The following CERKL variants were observed in gnomAD, a reference collection of about 807,000 sequenced individuals.
CERKL encodes the protein CERK like autophagy regulator, also known as ceramide kinase-like protein.
A neutral mutation model predicts 63.4 loss-of-function variants in CERKL; 61 were observed. The ratio of observed to expected loss-of-function variants is 0.96; its 90% CI spans 0.78 to 1.19. CERKL has a LOEUF of 1.19. CERKL is among the 50% of genes most tolerant of loss of function. The probability of loss-of-function intolerance (pLI) is 0.00; values close to 1 mark genes in which losing one functional copy is unlikely to be tolerated. For synonymous variants in CERKL, 250 were observed against 230.5 expected (o/e 1.08, Z -0.77); for missense variants, 675 against 655.5 (o/e 1.03, Z -0.33).
chr2:181,609,213 G>A (rs1051697863), intron 1 of CERKL, among the ~76,000 whole-genome samples: 3 of 150,496 alleles, frequency 2.0e-5, no homozygotes, highest in Admixed American at 6.6e-5. Context: ...CCACTAACTC[G>A]TCATCTAGCA....
At position 181,548,771 on chromosome 2, in the gene CERKL, C is replaced by T. The variant is rs375613779; in HGVS notation, c.982G>A (p.Gly328Arg). 3 of 1,613,900 alleles carry T rather than the reference C, an allele frequency of 1.9e-6. No individual in the cohort carries two copies. Among genetic ancestry groups the T allele is most frequent in the African/African-American group, 2.7e-5 (2 of 74,924 alleles). ...TTTTCTGCCAGAGCCAAAGTTCTTC[C>T]ACCAAAGCCAAACATGGCTGAGAAC... ...FGFSAMFGFG[G>R]RTLALAEKYR... The change falls in exon 7 of 13, where the codon GGA becomes AGA. Residue 328 changes from glycine (G) to arginine (R), a missense_variant. Coordinates refer to ENST00000410087, the MANE Select transcript of CERKL (RefSeq NM_201548.5).
intron 3 of CERKL, among the ~76,000 whole-genome samples, chr2:181,567,672 A>T (rs1688722681): frequency 6.6e-6 from 1 of 152,186 alleles, no homozygotes; most frequent in Admixed American, 6.5e-5. Flanking sequence ...GAACAAAATG[A>T]ATTAGTCTTT....
At chr2:181,539,036 T>G (rs1215630078) in intron 12 of CERKL, 56 bp downstream of exon 12, 2 of 1,254,082 alleles carry the variant, frequency 1.6e-6, no homozygotes, top group East Asian at 4.7e-5. Flanking sequence ...GCTTTCGTTG[T>G]AATATTAGAT....
intron 2 of CERKL, among the ~76,000 whole-genome samples, chr2:181,593,656 T>C (rs1285089267): frequency 6.6e-6 from 1 of 151,968 alleles, no homozygotes; most frequent in African/African-American, 2.4e-5. Flanking sequence ...CAAAGGACCC[T>C]CTCTTTTGCC....
At chr2:181,631,339 C>T (rs1686945675) in intron 1 of CERKL, among the ~76,000 whole-genome samples, 1 of 152,108 alleles carries the variant, frequency 6.6e-6, no homozygotes, top group African/African-American at 2.4e-5. Flanking sequence ...CTTCCAAACC[C>T]AGGAGAAATC....
At chr2:181,592,562 T>A (rs530909954) in intron 2 of CERKL, among the ~76,000 whole-genome samples, 4 of 152,300 alleles carry the variant, frequency 2.6e-5, no homozygotes, top group African/African-American at 9.6e-5. Context: ...CTGAATGGCA[T>A]ATCAAAGACA....
intron 11 of CERKL, among the ~76,000 whole-genome samples, chr2:181,541,069 T>G (rs943683476): frequency 9.2e-5 from 14 of 152,214 alleles, no homozygotes; most frequent in African/African-American, 3.4e-4. Flanking sequence ...CAAATTCCTG[T>G]ATTGAAATCC....
rs1421097252 is a variant in CERKL, at chr2:181,538,043, G to A, written c.*141C>T. The A allele has an allele frequency of 5.7e-6, 4 of 701,166 alleles. No homozygotes were observed. The East Asian group carries it at 1.1e-4, about 19-fold the overall frequency. The allele number at this position is 701,166 out of a possible 1,614,324, so 43.4% of individuals were successfully genotyped here. A position where few individuals can be genotyped will look rare whatever the true frequency, so the allele number is the denominator to read the frequency against. ...GATCTGAGGTGGAACAGTTCATCCTGAAACCATTCCCCCATCCACGGAAAA... is the reference window on the plus strand; with the variant it reads ...GATCTGAGGTGGAACAGTTCATCCTAAAACCATTCCCCCATCCACGGAAAA... On this transcript the variant is annotated 3_prime_UTR_variant, in exon 13 of 13. Transcript: ENST00000410087.
intron 2 of CERKL, among the ~76,000 whole-genome samples, chr2:181,585,693 A>G (rs1315863423): frequency 6.6e-6 from 1 of 152,058 alleles, no homozygotes; most frequent in African/African-American, 2.4e-5. Context: ...TAGAAAAATC[A>G]TATTTGAGAA....
At chr2:181,614,967 A>G (rs1208046615) in intron 1 of CERKL, among the ~76,000 whole-genome samples, 3 of 152,200 alleles carry the variant, frequency 2.0e-5, no homozygotes, top group African/African-American at 7.2e-5. Flanking sequence ...ATGACATATA[A>G]TTTTGCTTGG....
chr2:181,538,342 T>TAACA (rs979478829), intron 12 of CERKL, 98 bp from the exon 13 acceptor site: 12 of 705,856 alleles, frequency 1.7e-5, no homozygotes, highest in African/African-American at 5.3e-5. Context: ...TACAAATTGA[T>TAACA]AACAAACACA....
rs780009057 is a variant in CERKL, at chr2:181,537,965, G to T, written c.*219C>A. On this transcript the variant is annotated 3_prime_UTR_variant, in exon 13 of 13. Coordinates refer to ENST00000410087, the MANE Select transcript of CERKL (RefSeq NM_201548.5). ...AGAAGTGCGAACCATATGGTGAACT[G>T]GTATGTGAGGGATCTAGAGTGCCAT... 1.2e-5 allele frequency: 8 copies of T among 649,292 alleles called. No homozygotes were observed. The African/African-American group carries it at 1.3e-4, about 10-fold the overall frequency. The allele number at this position is 649,292 out of a possible 1,614,324, so 40.2% of individuals were successfully genotyped here.
chr2:181,547,087 T>C (rs1048245382), intron 10 of CERKL, among the ~76,000 whole-genome samples: 1 of 152,308 alleles, frequency 6.6e-6, no homozygotes, highest in South Asian at 2.1e-4. Flanking sequence ...ATGTGAGATG[T>C]GACTTTCATC....
At chr2:181,646,931 A>C (rs1687695881) in intron 1 of CERKL, among the ~76,000 whole-genome samples, 1 of 152,212 alleles carries the variant, frequency 6.6e-6, no homozygotes, top group Non-Finnish European at 1.5e-5. Context: ...TATCAGAGCA[A>C]GTGAGAAAAA....
intron 2 of CERKL, among the ~76,000 whole-genome samples, chr2:181,599,623 G>A (rs2105888322): frequency 6.6e-6 from 1 of 151,754 alleles, no homozygotes; most frequent in South Asian, 2.1e-4. Context: ...AGAGCTTGAA[G>A]ACCACCTTTT....
At chr2:181,624,770 T>C (rs186287755) in intron 1 of CERKL, among the ~76,000 whole-genome samples, 10 of 152,338 alleles carry the variant, frequency 6.6e-5, no homozygotes, top group African/African-American at 2.4e-4. Flanking sequence ...AGTCTCCAAG[T>C]GTTTTTGGTT....
At chr2:181,630,601 C>T (rs1244962119) in intron 1 of CERKL, among the ~76,000 whole-genome samples, 1 of 152,060 alleles carries the variant, frequency 6.6e-6, no homozygotes, top group Non-Finnish European at 1.5e-5. Context: ...GAAAAGGCCA[C>T]GTGAGGATGC....
At chr2:181,575,482 A>G (rs1689094009) in intron 2 of CERKL, among the ~76,000 whole-genome samples, 1 of 152,232 alleles carries the variant, frequency 6.6e-6, no homozygotes. Flanking sequence ...AGGCTGGTTA[A>G]CAGAGAAGGA....
intron 2 of CERKL, among the ~76,000 whole-genome samples, chr2:181,595,112 T>G (rs1685144704): frequency 2.0e-5 from 3 of 152,214 alleles, no homozygotes; most frequent in Non-Finnish European, 4.4e-5. Flanking sequence ...CAATGTTTTA[T>G]CTAATTCTGT....
Sources: allele counts gnomAD v4.1 joint callset (sites outside exome capture counted in the v4.1 genomes callset), GRCh38; gene constraint gnomAD v4.1.1; transcripts MANE v1.5; gene names NCBI Gene and HGNC (gene_info 2026-07-23, HGNC 2026-07-21).